The following RAB10 variants were observed in gnomAD, a reference collection of about 807,000 sequenced individuals.
The protein encoded by RAB10 is RAB10, member RAS oncogene family.
Under a neutral mutation model 25.7 loss-of-function variants are expected in RAB10, and 5 were observed. That is an observed-to-expected ratio of 0.19 (90% confidence interval 0.10 to 0.41). The LOEUF is 0.41. Among genes scored for constraint, RAB10 ranks in the 10% least tolerant of loss-of-function variants. The pLI is 1.00. For synonymous variants in RAB10, 89 were observed against 86.4 expected (o/e 1.03, Z -0.16); for missense variants, 103 against 245.8 (o/e 0.42, Z 3.89).
chr2:26,050,799 CTT>C (rs1027316111), intron 1 of RAB10, among the ~76,000 whole-genome samples: 2 of 151,802 alleles, frequency 1.3e-5, no homozygotes, highest in African/African-American at 2.4e-5. Flanking sequence ...AATTTTTTCT[CTT>C]TTTTTTCTAT....
chr2:26,102,743 G>C (rs1030174050), intron 2 of RAB10, among the ~76,000 whole-genome samples: 5 of 152,168 alleles, frequency 3.3e-5, no homozygotes, highest in African/African-American at 1.2e-4. Context: ...TGGCCAGGCT[G>C]TGATTTTCTT....
intron 1 of RAB10, among the ~76,000 whole-genome samples, chr2:26,045,406 A>G (rs2149262367): frequency 6.6e-6 from 1 of 151,942 alleles, no homozygotes; most frequent in South Asian, 2.1e-4. Flanking sequence ...CGCCCAGCTA[A>G]TTTTTTGTAT....
At chr2:26,091,551 A>T (rs531713845) in intron 1 of RAB10, among the ~76,000 whole-genome samples, 3 of 152,238 alleles carry the variant, frequency 2.0e-5, no homozygotes, top group Admixed American at 2.0e-4. Flanking sequence ...GTGGGAGAAT[A>T]TGTAGGGCCT....
At chr2:26,125,966 T>A (rs1175831191) in intron 3 of RAB10, among the ~76,000 whole-genome samples, 2 of 152,202 alleles carry the variant, frequency 1.3e-5, no homozygotes, top group African/African-American at 4.8e-5. Flanking sequence ...CCTGAAGCTT[T>A]TCCCTATGTT....
intron 1 of RAB10, among the ~76,000 whole-genome samples, chr2:26,056,719 T>C (rs1172791171): frequency 6.6e-6 from 1 of 152,140 alleles, no homozygotes; most frequent in Admixed American, 6.5e-5. Context: ...CCTTGAACTC[T>C]CGGGCTCAAG....
At chr2:26,064,712 A>C (rs1417713623) in intron 1 of RAB10, among the ~76,000 whole-genome samples, 1 of 152,178 alleles carries the variant, frequency 6.6e-6, no homozygotes, top group Non-Finnish European at 1.5e-5. Context: ...TATTTCAACA[A>C]ATTATGTAAT....
At chr2:26,103,342 A>C (rs1274995422) in intron 2 of RAB10, among the ~76,000 whole-genome samples, 1 of 152,236 alleles carries the variant, frequency 6.6e-6, no homozygotes, top group Non-Finnish European at 1.5e-5. Context: ...TAGTGGGAAC[A>C]GATCTTGCAG....
intron 1 of RAB10, among the ~76,000 whole-genome samples, chr2:26,079,956 G>A (rs369757898): frequency 1.3e-5 from 2 of 152,098 alleles, no homozygotes; most frequent in African/African-American, 2.4e-5. Flanking sequence ...CACTGCTCCC[G>A]GCTTAAATAC....
intron 2 of RAB10, among the ~76,000 whole-genome samples, chr2:26,108,936 G>C (rs1325678731): frequency 6.6e-6 from 1 of 150,748 alleles, no homozygotes; most frequent in Admixed American, 6.6e-5. Context: ...TTTTGAGACG[G>C]AGTCTCGCTC....
At chr2:26,091,102 A>G (rs1158082847) in intron 1 of RAB10, among the ~76,000 whole-genome samples, 1 of 152,204 alleles carries the variant, frequency 6.6e-6, no homozygotes, top group Non-Finnish European at 1.5e-5. Context: ...TCCAGAAAAC[A>G]TCATTTATCT....
At chr2:26,073,989 G>T (rs935170757) in intron 1 of RAB10, among the ~76,000 whole-genome samples, 8 of 152,152 alleles carry the variant, frequency 5.3e-5, no homozygotes, top group African/African-American at 1.9e-4. Context: ...GTAGACCAGG[G>T]GCAGTTTATG....
At chr2:26,057,620 T>TTCATTCATTCATTCATTCA (rs1553724597) in intron 1 of RAB10, among the ~76,000 whole-genome samples, 28 of 149,196 alleles carry the variant, frequency 1.9e-4, no homozygotes, top group African/African-American at 6.0e-4. Flanking sequence ...GGCAAGTTTC[T>TTCATTCATTCATTCATTCA]TTCATTCATT....
At chr2:26,044,179 T>G (rs925324691) in intron 1 of RAB10, among the ~76,000 whole-genome samples, 1 of 152,160 alleles carries the variant, frequency 6.6e-6, no homozygotes, top group African/African-American at 2.4e-5. Context: ...TGGTAAATGT[T>G]TTAGATATAT....
At position 26,136,496 on chromosome 2, in the gene RAB10, A is replaced by G. The variant is rs2149292282; in HGVS notation, c.*1475A>G. 1 of 152,774 alleles carries G rather than the reference A, an allele frequency of 6.5e-6. No homozygotes were observed. Among genetic ancestry groups the G allele is most frequent in the African/African-American group, 2.4e-5 (1 of 41,580 alleles). The allele number at this position is 152,774 out of a possible 1,614,324, so 9.5% of individuals were successfully genotyped here. A position where few individuals can be genotyped will look rare whatever the true frequency, so the allele number is the denominator to read the frequency against. The stretch of plus-strand genomic sequence containing the variant: ...CTTTTCATGTAAAGATAAGATCTTT[A>G]GCTATCTCTAACCCTGTCCTTTTTT... On this transcript the variant is annotated 3_prime_UTR_variant, in exon 6 of 6. Transcript: ENST00000264710.
chr2:26,047,403 T>TTTTG (rs143254612), intron 1 of RAB10, among the ~76,000 whole-genome samples: 67 of 146,678 alleles, frequency 4.6e-4, no homozygotes, highest in African/African-American at 7.6e-4. Context: ...GTATCATTTG[T>TTTTG]TTTGTTTGTT....
intron 3 of RAB10, among the ~76,000 whole-genome samples, chr2:26,119,286 C>T (rs972433023): frequency 6.6e-6 from 1 of 152,010 alleles, no homozygotes; most frequent in Non-Finnish European, 1.5e-5. Flanking sequence ...CGGTGAGTAC[C>T]TGTAGTCCCA....
At chr2:26,078,253 C>T (rs958676989) in intron 1 of RAB10, among the ~76,000 whole-genome samples, 1 of 152,044 alleles carries the variant, frequency 6.6e-6, no homozygotes, top group Non-Finnish European at 1.5e-5. Context: ...GCCATGCTAC[C>T]CAAATTGCTC....
At chr2:26,132,099 C>A (rs889540237) in intron 5 of RAB10, among the ~76,000 whole-genome samples, 1 of 152,126 alleles carries the variant, frequency 6.6e-6, no homozygotes, top group Non-Finnish European at 1.5e-5. Context: ...AGGGTTATAC[C>A]CATTTACACA....
At chr2:26,041,102 A>G (rs1455383811) in intron 1 of RAB10, among the ~76,000 whole-genome samples, 2 of 152,076 alleles carry the variant, frequency 1.3e-5, no homozygotes, top group Non-Finnish European at 2.9e-5. Flanking sequence ...GGTGCACCAT[A>G]AATAATGAAT....
Sources: gnomAD v4.1 joint callset for allele counts (sites outside exome capture counted in the v4.1 genomes callset) on GRCh38, gnomAD v4.1.1 for gene constraint, MANE v1.5 for transcripts, NCBI Gene and HGNC (gene_info 2026-07-23, HGNC 2026-07-21) for gene names.